TRIM29: variants seen among roughly 807,000 people sequenced by gnomAD.
TRIM29 encodes tripartite motif-containing protein 29.
In TRIM29, 52 loss-of-function variants were observed where a neutral mutation model predicts 57.3. The ratio of observed to expected loss-of-function variants is 0.91; its 90% CI spans 0.73 to 1.14. TRIM29 has a LOEUF of 1.14. TRIM29 is among the 50% of genes most tolerant of loss of function. The pLI is 0.00. For synonymous variants in TRIM29, 319 were observed against 316.9 expected (o/e 1.01, Z -0.07); for missense variants, 753 against 774.6 (o/e 0.97, Z 0.33).
intron 1 of TRIM29, among the ~76,000 whole-genome samples, chr11:120,131,420 G>T (rs575998460): frequency 5.0e-4 from 76 of 152,158 alleles, no homozygotes; most frequent in Non-Finnish European, 9.4e-4. Context: ...GGAGAGTAGA[G>T]CCAGAGGTGT....
chr11:120,114,848 T>C (rs1863227339), intron 8 of TRIM29, among the ~76,000 whole-genome samples: 1 of 152,150 alleles, frequency 6.6e-6, no homozygotes, highest in Non-Finnish European at 1.5e-5. Context: ...GGTCATTAGA[T>C]ATTGACCCTA....
chr11:120,127,175 T>C (rs1863608845), intron 3 of TRIM29, among the ~76,000 whole-genome samples, 161 bp downstream of exon 3: 1 of 152,144 alleles, frequency 6.6e-6, no homozygotes, highest in Non-Finnish European at 1.5e-5. Flanking sequence ...GGCGCTTGGA[T>C]AGATGGATGA....
intron 2 of TRIM29, 75 bp from the exon 3 acceptor site, chr11:120,127,644 CT>C: frequency 7.3e-7 from 1 of 1,365,182 alleles, no homozygotes; most frequent in Non-Finnish European, 1.0e-6. Flanking sequence ...TCGGGTATGT[CT>C]TTAGGTTTCC....
chr11:120,128,269 G>A (rs1393852800), intron 2 of TRIM29, 131 bp downstream of exon 2: 3 of 709,902 alleles, frequency 4.2e-6, no homozygotes, highest in African/African-American at 1.8e-5. Context: ...CAGAGGAGGT[G>A]GGAGAAGCCA....
At chr11:120,128,710 G>A in intron 1 of TRIM29, 1 of 1,535,666 alleles carries the variant, frequency 6.5e-7, no homozygotes. Context: ...ATACCATCTT[G>A]CTGTATTCTC....
intron 4 of TRIM29, chr11:120,125,377 A>G: frequency 2.2e-5 from 8 of 355,954 alleles, no homozygotes; most frequent in South Asian, 8.5e-5. Flanking sequence ...CGGCAATTAG[A>G]TGTAGATCTG....
At chr11:120,134,689 T>G (rs1221498972) in intron 1 of TRIM29, among the ~76,000 whole-genome samples, 3 of 152,200 alleles carry the variant, frequency 2.0e-5, no homozygotes, top group Non-Finnish European at 2.9e-5. Context: ...CACAGTCACT[T>G]TAGAGGACCA....
In TRIM29 at chr11:120,115,248, C is replaced by T. The variant is rs998707158; in HGVS notation, c.1704+90G>A. On this transcript the variant is annotated intron_variant, in intron 8 of 8. Coordinates refer to ENST00000341846, the MANE Select transcript of TRIM29 (RefSeq NM_012101.4). ...CCCATGGCCCAGAGAAGTCCTCCCACAGGCCCTGGAACCGATTGCCTCCAG... is the reference window on the plus strand; with the variant it reads ...CCCATGGCCCAGAGAAGTCCTCCCATAGGCCCTGGAACCGATTGCCTCCAG... 2.3e-6 allele frequency: 3 copies of T among 1,318,368 alleles called. No homozygotes were observed. The Admixed American group carries it at 5.9e-5, about 26-fold the overall frequency. The allele number at this position is 1,318,368 out of a possible 1,614,324, so 81.7% of individuals were successfully genotyped here.
intron 2 of TRIM29, among the ~76,000 whole-genome samples, 183 bp downstream of exon 2, chr11:120,128,217 G>C (rs892344593): frequency 6.6e-6 from 1 of 152,196 alleles, no homozygotes; most frequent in African/African-American, 2.4e-5. Flanking sequence ...GATCCCACCT[G>C]AGTGCCTGGC....
At chr11:120,126,099 T>C (rs1432427485) in intron 3 of TRIM29, 10 of 578,360 alleles carry the variant, frequency 1.7e-5, no homozygotes, top group East Asian at 2.9e-5. Flanking sequence ...CGTTCAGATG[T>C]GTGACTCCAC....
At chr11:120,114,261 G>A (rs747615280) in intron 8 of TRIM29, among the ~76,000 whole-genome samples, 4 of 152,158 alleles carry the variant, frequency 2.6e-5, no homozygotes, top group Admixed American at 6.5e-5. Context: ...AGTAGGGAGG[G>A]GAAGGACTGA....
chr11:120,125,681 GGGGAC>G lies in TRIM29; in HGVS notation c.1333+5_1333+9del. ...ATGGCCTTGGGGCCCAGCCACGAGA[GGGGAC>G]CTACCGTTCTCCATGTGGTTCCTCT... On this transcript the variant is annotated splice_donor_5th_base_variant and intron_variant, in intron 4 of 8. Coordinates refer to ENST00000341846, the MANE Select transcript of TRIM29 (RefSeq NM_012101.4). The G allele has an allele frequency of 2.5e-6, 4 of 1,614,040 alleles. No homozygotes were observed. Among genetic ancestry groups the G allele is most frequent in the Non-Finnish European group, 3.4e-6 (4 of 1,179,990 alleles).
chr11:120,118,147 C>T (rs1016595806), intron 7 of TRIM29, 76 bp downstream of exon 7: 3 of 1,346,916 alleles, frequency 2.2e-6, no homozygotes, highest in Non-Finnish European at 3.2e-6. Context: ...AGCAGCTCAG[C>T]GAAGAGACCC....
At chr11:120,130,779 TGCTCGGA>T (rs1863706325) in intron 1 of TRIM29, among the ~76,000 whole-genome samples, 1 of 152,178 alleles carries the variant, frequency 6.6e-6, no homozygotes. Flanking sequence ...ACTCACACCA[TGCTCGGA>T]GCAGTGTGTG....
intron 1 of TRIM29, among the ~76,000 whole-genome samples, chr11:120,131,200 T>C (rs1248449123): frequency 1.3e-5 from 2 of 152,076 alleles, no homozygotes; most frequent in African/African-American, 2.4e-5. Context: ...TGGTTGGGGC[T>C]GCAGAGGAGG....
At chr11:120,132,047 CAGAT>C in intron 1 of TRIM29, among the ~76,000 whole-genome samples, 7 of 151,574 alleles carry the variant, frequency 4.6e-5, no homozygotes, top group Non-Finnish European at 1.0e-4. Flanking sequence ...CAACAGGACT[CAGAT>C]CCTATTCTGT....
rs73575909 is a variant in TRIM29 at position 120,120,169 on chromosome 11, T to A, written c.1528+404A>T. On this transcript the variant is annotated intron_variant, in intron 6 of 8. Transcript: ENST00000341846. Reference sequence around the variant, plus strand: ...TCTTTGGGTCCTCGTGCCCTCATACTTGTGGGGGGGGTGGCGCATTCCCCA... The same window carrying A: ...TCTTTGGGTCCTCGTGCCCTCATACATGTGGGGGGGGTGGCGCATTCCCCA... 7.1e-3 allele frequency among the ~76,000 whole-genome samples: 854 copies of A among 120,760 alleles called. 8 individuals are homozygous for A. The highest frequency in any genetic ancestry group is 0.023 in the African/African-American group (786 of 34,544). 79.2% of individuals were successfully genotyped at this position (120,760 alleles called of 152,430 possible).
Position 120,137,903 on chromosome 11 carries a change from G to C in TRIM29, c.129C>G (p.Thr43=). Residue 43 remains threonine, a synonymous_variant, in exon 1 of 9, where the codon ACC becomes ACG. Transcript: ENST00000341846. The surrounding 1 kb of genome is among the most constrained non-coding windows in gnomAD (Gnocchi z 6.2). ...TKADGKDAKT[T]NGHGGEAAEG... is the part of the protein sequence containing the mutation. ...CAGCTGCCTCCCCGCCGTGCCCGTT[G>C]GTGGTCTTGGCATCCTTGCCGTCAG... 1 of 1,610,814 alleles carries C rather than the reference G, an allele frequency of 6.2e-7. No homozygotes were observed. Among genetic ancestry groups the C allele is most frequent in the Non-Finnish European group, 8.5e-7 (1 of 1,180,012 alleles).
intron 3 of TRIM29, 136 bp downstream of exon 3, chr11:120,127,200 G>A: frequency 1.4e-6 from 1 of 710,424 alleles, no homozygotes; most frequent in Non-Finnish European, 2.3e-6. Context: ...ATGGATGGTT[G>A]GATGGCTGGA....
Sources: allele counts gnomAD v4.1 joint callset (sites outside exome capture counted in the v4.1 genomes callset), GRCh38; gene constraint gnomAD v4.1.1; non-coding constraint Gnocchi (gnomAD v3.1); transcripts MANE v1.5; gene names NCBI Gene and HGNC (gene_info 2026-07-23, HGNC 2026-07-21).